Variants in ABCA2 observed in about 807,000 individuals in gnomAD.
ABCA2 encodes ATP-binding cassette sub-family A member 2.
A neutral mutation model predicts 262.8 loss-of-function variants in ABCA2; 84 were observed. The observed-to-expected ratio is 0.32, with a 90% CI of 0.27 to 0.38. The LOEUF (loss-of-function observed/expected upper bound fraction) is 0.38, where lower values mean the gene tolerates loss of function less well. Ranked by LOEUF, ABCA2 falls within the 10% of genes least tolerant of loss-of-function variation. ABCA2 has a pLI of 1.00. For synonymous variants in ABCA2, 1,696 were observed against 1,502.9 expected (o/e 1.13, Z -2.97); for missense variants, 2,662 against 3,405.9 (o/e 0.78, Z 5.44).
At chr9:137,022,236 G>A (rs1588527020) in intron 6 of ABCA2, 115 bp downstream of exon 6, 7 of 1,412,296 alleles carry the variant, frequency 5.0e-6, no homozygotes, top group Non-Finnish European at 6.5e-6. Flanking sequence ...GTGGGGGCAA[G>A]GTTCAGACGG....
rs2131448830 is a variant in ABCA2, at chr9:137,016,332, G to A, written c.3063C>T (p.Val1021=). ...CCGCCCCGTTGTGGCCCAAGAAGGA[G>A]ACCACCTGGTTCTCGTAGAGGTTCA... is the stretch of plus-strand genomic sequence containing the variant. The part of the protein sequence containing the change: ...LSLNLYENQV[V]SFLGHNGAGK... The change falls in exon 21 of 49, where the codon GTC becomes GTT. Residue 1021 remains valine, a synonymous_variant. Transcript: ENST00000341511. 1.9e-6 allele frequency: 3 copies of A among 1,612,868 alleles called. No individual in the cohort carries two copies. Among genetic ancestry groups the A allele is most frequent in the Non-Finnish European group, 2.5e-6 (3 of 1,179,986 alleles).
At chr9:137,023,505 G>A (rs368670252) in intron 3 of ABCA2, 5 of 742,838 alleles carry the variant, frequency 6.7e-6, no homozygotes, top group South Asian at 1.4e-5. Context: ...TAGCCAGGCC[G>A]CTCCAGCCCC....
chr9:137,013,909 G>A lies in ABCA2; in HGVS notation c.4370C>T (p.Ala1457Val). Residue 1457 changes from alanine to valine, a missense_variant, in exon 28 of 49, where the codon GCA becomes GTA. Physicochemically the swap from Ala to Val is moderately conservative, Grantham distance 64. Transcript: ENST00000341511. Reference sequence around the variant, plus strand: ...TGGCAGCAAGATCTGGGAGAAGAGTGCCTTGGAGTTGCGGCGGGCGCAGTG... The same window carrying A: ...TGGCAGCAAGATCTGGGAGAAGAGTACCTTGGAGTTGCGGCGGGCGCAGTG... ...RFHCARRNSK[A>V]LFSQILLPAF... 6.2e-7 allele frequency: 1 copy of A among 1,612,650 alleles called. No individual in the cohort carries two copies. Among genetic ancestry groups the A allele is most frequent in the Non-Finnish European group, 8.5e-7 (1 of 1,179,898 alleles).
rs1024498744 is a variant in ABCA2 at position 137,007,496 on chromosome 9, A to ATTT, written c.*432_*433insAAA. 1 of 189,454 alleles carries ATTT rather than the reference A, an allele frequency of 5.3e-6. No individual in the cohort carries two copies. Among genetic ancestry groups the ATTT allele is most frequent in the Non-Finnish European group, 1.1e-5 (1 of 89,322 alleles). 11.7% of individuals were successfully genotyped at this position (189,454 alleles called of 1,614,324 possible). ...CAGAGGAGCCTCTTCTCAAAGCAAA[A>ATTT]TAAATACGGGACTGACCCAGCTCCG... On this transcript the variant is annotated 3_prime_UTR_variant, in exon 49 of 49. Coordinates refer to ENST00000341511, the MANE Select transcript of ABCA2 (RefSeq NM_001606.5).
rs758203638 is a variant in ABCA2, at chr9:137,009,909, C to T, written c.6496-6G>A. 1.2e-6 allele frequency: 2 copies of T among 1,603,424 alleles called. No individual in the cohort carries two copies. Among genetic ancestry groups the T allele is most frequent in the East Asian group, 4.5e-5 (2 of 44,700 alleles). Reference sequence around the variant, plus strand: ...TCCAGAGCCCACTTCACCACCTGGCCAGGGAACGCAGGTGTCAGTGGAGGC... The same window carrying T: ...TCCAGAGCCCACTTCACCACCTGGCTAGGGAACGCAGGTGTCAGTGGAGGC... On this transcript the variant is annotated splice_region_variant and splice_polypyrimidine_tract_variant and intron_variant, in intron 42 of 48. Transcript: ENST00000341511.
Position 137,007,896 on chromosome 9 carries a change from G to A in ABCA2, c.*33C>T, listed in dbSNP as rs370859665. 6.2e-7 allele frequency: 1 copy of A among 1,603,332 alleles called. No homozygotes were observed. The highest frequency in any genetic ancestry group is 8.5e-7 in the Non-Finnish European group (1 of 1,179,128). On this transcript the variant is annotated 3_prime_UTR_variant, in exon 49 of 49. Coordinates refer to ENST00000341511, the MANE Select transcript of ABCA2 (RefSeq NM_001606.5). ...CCTGGCCCAGCTCTGGGTGGTCAGT[G>A]GAGCGTGTCCTCCCTGGCCCAGCTC...
At chr9:137,022,919 C>CCG in intron 4 of ABCA2, 22 bp downstream of exon 4, 6 of 674,928 alleles carry the variant, frequency 8.9e-6, no homozygotes, top group Non-Finnish European at 8.8e-6. Flanking sequence ...GTGGGTGCTC[C>CCG]GAGGGGCGGG....
In ABCA2 at chr9:137,016,710, G is replaced by A; in HGVS notation, c.2787C>T (p.Tyr929=). ...PGMYGLPRPW[Y]FPLQKSYWLG... ...GCCAGTAGGACTTCTGCAGTGGGAAGTACCAGGGCCGGGGCAGCCCGTACA... is the reference window on the plus strand; with the variant it reads ...GCCAGTAGGACTTCTGCAGTGGGAAATACCAGGGCCGGGGCAGCCCGTACA... Residue 929 remains tyrosine (Y), a synonymous_variant, in exon 20 of 49, where the codon TAC becomes TAT. Transcript: ENST00000341511. 6.4e-7 allele frequency: 1 copy of A among 1,573,400 alleles called. No individual in the cohort carries two copies. The highest frequency in any genetic ancestry group is 2.2e-5 in the East Asian group (1 of 44,522).
At chr9:137,028,596 G>T, upstream of ABCA2, 1 of 976,710 alleles carries the variant, frequency 1.0e-6, no homozygotes, top group Non-Finnish European at 1.3e-6. This position sits in a 1 kb window ranked among gnomAD's most constrained non-coding sequence, Gnocchi z 6.9. Context: ...CTGCAGAGGC[G>T]CCCCAAGCCT....
chr9:137,021,544 G>T lies in ABCA2; in HGVS notation c.745C>A (p.Arg249=). Residue 249 remains arginine, a synonymous_variant, in exon 8 of 49, where the codon CGG becomes AGG. Transcript: ENST00000341511. This position sits in a 1 kb window ranked among gnomAD's most constrained non-coding sequence, Gnocchi z 6.0. ...TGACTCTCAGGCACAGTGAGGATCC[G>T]GCCCAGCTCCCCCGAGCCCGGCGTG... The part of the protein sequence containing the change: ...TCTPGSGELG[R]ILTVPESQKG... The T allele has an allele frequency of 1.3e-6, 2 of 1,593,032 alleles. No individual in the cohort carries two copies. The highest frequency in any genetic ancestry group is 1.7e-6 in the Non-Finnish European group (2 of 1,170,732).
At chr9:137,028,803 G>T (rs1393617607), upstream of ABCA2, 5 of 1,303,582 alleles carry the variant, frequency 3.8e-6, no homozygotes, top group Non-Finnish European at 5.0e-6. The surrounding 1 kb of genome is among the most constrained non-coding windows in gnomAD (Gnocchi z 6.9). Flanking sequence ...CCCCAGGAAC[G>T]CTCGCCGTGA....
In ABCA2 at chr9:137,016,411, T is replaced by C. The variant is rs1303531100; in HGVS notation, c.2984A>G (p.Lys995Arg). ...THLPLVVCVD[K>R]LTKVYKDDKK... is the part of the protein sequence containing the mutation. ...GTCGTCCTTGTAGACCTTGGTGAGTTTGTCCACGCAGACAACCAGAGGCAG... is the reference window on the plus strand; with the variant it reads ...GTCGTCCTTGTAGACCTTGGTGAGTCTGTCCACGCAGACAACCAGAGGCAG... The change falls in exon 21 of 49, where the codon AAA becomes AGA. Residue 995 changes from lysine (K) to arginine (R), a missense_variant. Lys to Arg is a conservative substitution (Grantham distance 26, BLOSUM62 2). Coordinates refer to ENST00000341511, the MANE Select transcript of ABCA2 (RefSeq NM_001606.5). 1 of 1,612,710 alleles carries C rather than the reference T, an allele frequency of 6.2e-7. No individual in the cohort carries two copies. The highest frequency in any genetic ancestry group is 8.5e-7 in the Non-Finnish European group (1 of 1,179,960).
Position 137,020,375 on chromosome 9 carries a change from G to A in ABCA2, c.1386C>T (p.Tyr462=), listed in dbSNP as rs200417842. Residue 462 remains tyrosine, a synonymous_variant, in exon 10 of 49, where the codon TAC becomes TAT. Transcript: ENST00000341511. ...HLMTSNPKIL[Y]APAGSEVDRV... ...GGTCGACCTCAGAGCCCGCAGGCGC[G>A]TACAGGATTTTGGGGTTGCTGGTCA... 2.8e-4 allele frequency: 452 copies of A among 1,613,068 alleles called. 4 individuals carry two copies. In the African/African-American group the frequency reaches 5.1e-3, roughly 18 times the overall value.
chr9:137,009,948 G>T, intron 42 of ABCA2, 35 bp downstream of exon 42: 2 of 1,596,956 alleles, frequency 1.3e-6, no homozygotes, highest in Non-Finnish European at 1.7e-6. Context: ...GCCACCCAGC[G>T]TGCTGACTCC....
Position 137,021,246 on chromosome 9 carries a change from G to C in ABCA2, c.897+146C>G, listed in dbSNP as rs1421444040. ...GATGGTGAGCAGGAGTGGGGCACCA[G>C]CCATGGTGCCATTGGATACCCACCC... On this transcript the variant is annotated intron_variant, in intron 8 of 48. Transcript: ENST00000341511. This position sits in a 1 kb window ranked among gnomAD's most constrained non-coding sequence, Gnocchi z 6.0. 6 of 1,255,584 alleles carry C rather than the reference G, an allele frequency of 4.8e-6. No individual in the cohort carries two copies. Among genetic ancestry groups the C allele is most frequent in the Admixed American group, 5.1e-5 (2 of 39,224 alleles). The allele number at this position is 1,255,584 out of a possible 1,614,324, so 77.8% of individuals were successfully genotyped here. A position where few individuals can be genotyped will look rare whatever the true frequency, so the allele number is the denominator to read the frequency against.
In ABCA2 at chr9:137,008,752, G is replaced by T; in HGVS notation, c.7047C>A (p.Val2349=). Residue 2349 remains valine, a synonymous_variant, in exon 47 of 49, where the codon GTC becomes GTA. Coordinates refer to ENST00000341511, the MANE Select transcript of ABCA2 (RefSeq NM_001606.5). ...SGVLGIEDYS[V]SQTTLDNVFV... ...TCACATTGTCCAGTGTGGTCTGGCTGACCGAGTAGTCCTCGATGCCCAGCA... is the reference window on the plus strand; with the variant it reads ...TCACATTGTCCAGTGTGGTCTGGCTTACCGAGTAGTCCTCGATGCCCAGCA... 6.3e-7 allele frequency: 1 copy of T among 1,586,502 alleles called. No individual in the cohort carries two copies. Among genetic ancestry groups the T allele is most frequent in the South Asian group, 1.1e-5 (1 of 87,500 alleles).
chr9:137,021,124 A>G lies in ABCA2; in HGVS notation c.898-63T>C, dbSNP rs868675803. 9.0e-6 allele frequency: 13 copies of G among 1,442,804 alleles called. No homozygotes were observed. In the South Asian group the frequency reaches 1.7e-4, roughly 19 times the overall value. 89.4% of individuals were successfully genotyped at this position (1,442,804 alleles called of 1,614,324 possible). On this transcript the variant is annotated intron_variant, in intron 8 of 48. Coordinates refer to ENST00000341511, the MANE Select transcript of ABCA2 (RefSeq NM_001606.5). This position sits in a 1 kb window ranked among gnomAD's most constrained non-coding sequence, Gnocchi z 6.0. Reference sequence around the variant, plus strand: ...ATGGACTGCAGGTGGGTGATAGGTCAGGAGTGGAGCAGGGAGACAGCAGCA... The same window carrying G: ...ATGGACTGCAGGTGGGTGATAGGTCGGGAGTGGAGCAGGGAGACAGCAGCA...
chr9:137,013,868 C>T lies in ABCA2; in HGVS notation c.4411G>A (p.Val1471Met), dbSNP rs772026626. Reference protein sequence around the residue: ...QILLPAFFVCVAMTVALSVPE... With the variant: ...QILLPAFFVCMAMTVALSVPE... ...ACGGACAGGGCCACGGTCATGGCCA[C>T]GCAGACGAAGAAGGCTGGCAGCAAG... Residue 1471 changes from valine to methionine, a missense_variant, in exon 28 of 49, where the codon GTG becomes ATG. Transcript: ENST00000341511. 2.5e-6 allele frequency: 4 copies of T among 1,611,480 alleles called. No individual in the cohort carries two copies. Among genetic ancestry groups the T allele is most frequent in the South Asian group, 1.1e-5 (1 of 90,942 alleles).
chr9:137,012,429 T>C lies in ABCA2; in HGVS notation c.5188-53A>G, dbSNP rs1036017318. 36 of 1,608,332 alleles carry C rather than the reference T, an allele frequency of 2.2e-5. 1 individual carries two copies. In the African/African-American group the frequency reaches 4.4e-4, roughly 20 times the overall value. ...CCCCAGGACCTCAGACCTGGGTCCCTGCAGACCTCGGGCGGCGCTACACAC... is the reference window on the plus strand; with the variant it reads ...CCCCAGGACCTCAGACCTGGGTCCCCGCAGACCTCGGGCGGCGCTACACAC... On this transcript the variant is annotated intron_variant, in intron 32 of 48. Transcript: ENST00000341511.
Sources: gnomAD v4.1 joint callset for allele counts on GRCh38, gnomAD v4.1.1 for gene constraint, Gnocchi (gnomAD v3.1) non-coding constraint, MANE v1.5 for transcripts, NCBI Gene and HGNC (gene_info 2026-07-23, HGNC 2026-07-21) for gene names.